NUSAP1: variants seen among roughly 807,000 people sequenced by gnomAD.
NUSAP1 encodes nucleolar and spindle-associated protein 1.
Under a neutral mutation model 52.8 loss-of-function variants are expected in NUSAP1, and 32 were observed. The observed-to-expected ratio is 0.61, with a 90% CI of 0.46 to 0.81. NUSAP1 has a LOEUF of 0.81. Among genes scored for constraint, NUSAP1 ranks in the 40% least tolerant of loss-of-function variants. The pLI is 0.00. For missense variants in NUSAP1, 499 were observed against 522.3 expected, an observed-to-expected ratio of 0.96 and a Z score of 0.43; for synonymous variants, 195 against 183.1, an observed-to-expected ratio of 1.06 and a Z score of -0.52.
intron 7 of NUSAP1, among the ~76,000 whole-genome samples, chr15:41,368,610 A>G (rs2049517654): frequency 1.3e-5 from 2 of 152,110 alleles, no homozygotes; most frequent in Admixed American, 1.3e-4. Flanking sequence ...TACTTCTAAT[A>G]TCAAAACTTT....
At chr15:41,379,984 A>G in intron 10 of NUSAP1, 109 bp from the exon 11 acceptor site, 1 of 717,968 alleles carries the variant, frequency 1.4e-6, no homozygotes, top group Non-Finnish European at 2.4e-6. Flanking sequence ...TTACACAAGT[A>G]TGCTGGATGT....
intron 2 of NUSAP1, 66 bp downstream of exon 2, chr15:41,342,520 T>C (rs1475694322): frequency 8.6e-7 from 1 of 1,162,254 alleles, no homozygotes; most frequent in Non-Finnish European, 1.3e-6. Context: ...AATGGGCAAT[T>C]AACACACAAC....
At chr15:41,366,470 C>T (rs753857676) in intron 7 of NUSAP1, among the ~76,000 whole-genome samples, 3 of 151,734 alleles carry the variant, frequency 2.0e-5, no homozygotes, top group Admixed American at 6.6e-5. Flanking sequence ...TTAGTAGAGA[C>T]GGGGTTTCAC....
chr15:41,344,489 CTA>C (rs2140562500), intron 2 of NUSAP1, among the ~76,000 whole-genome samples: 1 of 151,528 alleles, frequency 6.6e-6, no homozygotes, highest in South Asian at 2.1e-4. Flanking sequence ...ATACAAAAAA[CTA>C]ACCAGGCGTG....
In NUSAP1 at chr15:41,342,622, G is replaced by A. The variant is rs181671172; in HGVS notation, c.162+168G>A. Reference sequence around the variant, plus strand: ...GTAGGCAGTGGCAGGCGGATCACTTGAGTCCAGGAGTTCGAGACCAGCCTG... The same window carrying A: ...GTAGGCAGTGGCAGGCGGATCACTTAAGTCCAGGAGTTCGAGACCAGCCTG... On this transcript the variant is annotated intron_variant, in intron 2 of 10. Transcript: ENST00000559596. Among the ~76,000 whole-genome samples, 284 of 152,282 alleles carry A rather than the reference G, an allele frequency of 1.9e-3. 1 individual carries two copies. The highest frequency in any genetic ancestry group is 6.7e-3 in the African/African-American group (277 of 41,580).
At chr15:41,334,704 CTG>C (rs3034611) in intron 1 of NUSAP1, among the ~76,000 whole-genome samples, 151,123 of 151,386 alleles carry the variant, frequency 1, 75,430 homozygotes, top group South Asian at 1. Flanking sequence ...ATCTGCCTGG[CTG>C]TGTGTGTGTG....
intron 1 of NUSAP1, among the ~76,000 whole-genome samples, chr15:41,342,145 C>G (rs1429818651): frequency 6.6e-6 from 1 of 152,224 alleles, no homozygotes; most frequent in African/African-American, 2.4e-5. Context: ...GTTCTCATGA[C>G]AGCCTGAGCC....
chr15:41,375,672 T>A, intron 8 of NUSAP1, 40 bp from the exon 9 acceptor site: 1 of 1,256,756 alleles, frequency 8.0e-7, no homozygotes, highest in Admixed American at 1.7e-5. Flanking sequence ...CAGGTCTTTG[T>A]TTCTAATTAA....
In NUSAP1 at chr15:41,371,669, G is replaced by A. The variant is rs565365378; in HGVS notation, c.991G>A (p.Gly331Arg). Reference protein sequence around the residue: ...LGTHKLKTITGNSAAVITPFK... With the variant: ...LGTHKLKTITRNSAAVITPFK... ...GACACACAAATTAAAGACCATCACG[G>A]GGAATTCTGCTGCTGGTAAAAAAAA... Residue 331 changes from glycine (G) to arginine (R), a missense_variant, in exon 8 of 11, where the codon GGG (glycine) becomes AGG (arginine). Transcript: ENST00000559596. The A allele has an allele frequency of 6.1e-5, 96 of 1,582,990 alleles. 1 individual carries two copies. Among genetic ancestry groups the A allele is most frequent in the Non-Finnish European group, 7.3e-5 (86 of 1,171,870 alleles).
At chr15:41,372,721 A>G (rs1237571436) in intron 8 of NUSAP1, among the ~76,000 whole-genome samples, 1 of 152,076 alleles carries the variant, frequency 6.6e-6, no homozygotes, top group African/African-American at 2.4e-5. Context: ...AAGTGGTCTT[A>G]GATCCTGATT....
At chr15:41,353,542 G>A (rs1449552987) in intron 4 of NUSAP1, among the ~76,000 whole-genome samples, 1 of 152,134 alleles carries the variant, frequency 6.6e-6, no homozygotes, top group African/African-American at 2.4e-5. Flanking sequence ...ACATTCCTCT[G>A]CCTTGTTTTA....
chr15:41,372,869 C>T (rs1299067089), intron 8 of NUSAP1, among the ~76,000 whole-genome samples: 2 of 152,102 alleles, frequency 1.3e-5, no homozygotes, highest in East Asian at 3.9e-4. Flanking sequence ...GGGTGGATCA[C>T]TTGAGGTCAG....
chr15:41,347,143 G>A (rs980906866), intron 2 of NUSAP1, among the ~76,000 whole-genome samples: 3 of 152,002 alleles, frequency 2.0e-5, no homozygotes, highest in African/African-American at 7.2e-5. Context: ...CTGCACTCCA[G>A]CCTGGGCAAC....
intron 8 of NUSAP1, among the ~76,000 whole-genome samples, chr15:41,373,392 A>T (rs895379260): frequency 7.9e-5 from 12 of 151,722 alleles, no homozygotes; most frequent in South Asian, 2.1e-4. Context: ...CAAAAAAATT[A>T]AAAAAAACTA....
chr15:41,372,804 T>C (rs1178169287), intron 8 of NUSAP1, among the ~76,000 whole-genome samples: 4 of 152,014 alleles, frequency 2.6e-5, no homozygotes, highest in African/African-American at 9.7e-5. Flanking sequence ...AAAGAAAGGA[T>C]TGGCCGGACG....
chr15:41,369,820 C>T (rs1044493297), intron 7 of NUSAP1, among the ~76,000 whole-genome samples: 8 of 152,096 alleles, frequency 5.3e-5, no homozygotes, highest in Non-Finnish European at 1.0e-4. Context: ...GTAATCCTAG[C>T]ACTTTGGGAG....
chr15:41,363,891 C>T (rs1247480135), intron 6 of NUSAP1, among the ~76,000 whole-genome samples: 1 of 152,118 alleles, frequency 6.6e-6, no homozygotes, highest in Non-Finnish European at 1.5e-5. Flanking sequence ...ATTTCCTTCC[C>T]TCTTTTTGTT....
At position 41,357,561 on chromosome 15, in the gene NUSAP1, A is replaced by G. The variant is rs1004943185; in HGVS notation, c.551-588A>G. ...CGGGTTCAAGCGATTCTCCTGCCTC[A>G]GTGTCCCGAGTAGCTGGGATTACAG... On this transcript the variant is annotated intron_variant, in intron 5 of 10. Coordinates refer to ENST00000559596, the MANE Select transcript of NUSAP1 (RefSeq NM_016359.5). 1.4e-4 allele frequency among the ~76,000 whole-genome samples: 22 copies of G among 151,762 alleles called. No individual in the cohort carries two copies. The East Asian group carries it at 3.6e-3, about 25-fold the overall frequency.
chr15:41,348,044 G>C (rs148571636), intron 2 of NUSAP1, among the ~76,000 whole-genome samples: 14 of 152,136 alleles, frequency 9.2e-5, no homozygotes, highest in Middle Eastern at 3.4e-3. Context: ...GGTCAGTTGA[G>C]CTCCAGAAAT....
Sources: allele counts gnomAD v4.1 joint callset (sites outside exome capture counted in the v4.1 genomes callset), GRCh38; gene constraint gnomAD v4.1.1; transcripts MANE v1.5; gene names NCBI Gene and HGNC (gene_info 2026-07-23, HGNC 2026-07-21).